The following ABCA9 variants were observed in gnomAD, a reference collection of about 807,000 sequenced individuals.
ABCA9 encodes the protein ATP-binding cassette sub-family A member 9.
Under a neutral mutation model 205.3 loss-of-function variants are expected in ABCA9, and 183 were observed. That is an observed-to-expected ratio of 0.89 (90% CI 0.79 to 1.01). The LOEUF (loss-of-function observed/expected upper bound fraction) is 1.01. ABCA9 is among the 50% of genes least tolerant of loss of function. The pLI, the probability that ABCA9 is intolerant of heterozygous loss-of-function variation, is 0.00. For synonymous variants in ABCA9, 651 were observed against 683.3 expected (o/e 0.95, Z 0.74); for missense variants, 1,805 against 1,912.4 (o/e 0.94, Z 1.05).
intron 3 of ABCA9, among the ~76,000 whole-genome samples, chr17:69,045,817 C>A (rs2071689460): frequency 6.6e-6 from 1 of 152,116 alleles, no homozygotes; most frequent in African/African-American, 2.4e-5. Context: ...ATGAGAATAG[C>A]ATGGGAGAAA....
At chr17:69,016,730 A>G (rs1700097993) in intron 21 of ABCA9, among the ~76,000 whole-genome samples, 1 of 152,108 alleles carries the variant, frequency 6.6e-6, no homozygotes, top group Admixed American at 6.6e-5. Flanking sequence ...AAAATGTGAC[A>G]CATTCATTTT....
At chr17:69,007,564 T>C (rs2070192070) in intron 25 of ABCA9, among the ~76,000 whole-genome samples, 195 bp downstream of exon 25, 1 of 152,186 alleles carries the variant, frequency 6.6e-6, no homozygotes, top group Non-Finnish European at 1.5e-5. Flanking sequence ...CCTGGAGATA[T>C]GTTTGAAGAG....
At chr17:68,998,921 A>G (rs1459299387) in intron 25 of ABCA9, among the ~76,000 whole-genome samples, 1 of 151,892 alleles carries the variant, frequency 6.6e-6, no homozygotes, top group Non-Finnish European at 1.5e-5. Flanking sequence ...TCTATAGAGA[A>G]TGCTTGAATG....
At position 68,975,938 on chromosome 17, in the gene ABCA9, G is replaced by A. The variant is rs1212874322; in HGVS notation, c.4852C>T (p.Leu1618Phe). 6.2e-7 allele frequency: 1 copy of A among 1,613,214 alleles called. No individual in the cohort carries two copies. Among genetic ancestry groups the A allele is most frequent in the African/African-American group, 1.3e-5 (1 of 75,050 alleles). Residue 1618 changes from leucine (L) to phenylalanine (F), a missense_variant, in exon 39 of 39, where the codon CTC becomes TTC. Coordinates refer to ENST00000340001, the MANE Select transcript of ABCA9 (RefSeq NM_080283.4). ...EDFDPSVKWK[L>F]LLQEEP ...CTTTAAGGCTCTTCCTGCAGGAGGAGTTTCCACTTCACCGAGGGATCAAAG... is the reference window on the plus strand; with the variant it reads ...CTTTAAGGCTCTTCCTGCAGGAGGAATTTCCACTTCACCGAGGGATCAAAG...
In ABCA9 at chr17:69,049,364, TA is replaced by T. The variant is rs1484741850; in HGVS notation, c.222del (p.Asn75IlefsTer16). On this transcript the variant is annotated frameshift_variant, in exon 3 of 39. Coordinates refer to ENST00000340001, the MANE Select transcript of ABCA9 (RefSeq NM_080283.4). LOFTEE classifies it high-confidence loss of function. ...DLGRVDSFND[T>X]NYVIAFAPES... ...TCAGGTGCAAATGCAATAACATAAT[TA>T]GTATCATTAAAACTATCTACACGTC... The T allele has an allele frequency of 6.2e-7, 1 of 1,613,180 alleles. No homozygotes were observed. The highest frequency in any genetic ancestry group is 8.5e-7 in the Non-Finnish European group (1 of 1,179,424).
In ABCA9 at chr17:69,018,661, A is replaced by G. The variant is rs113431521; in HGVS notation, c.2601-82T>C. The G allele has an allele frequency of 8.7e-4, 869 of 1,001,088 alleles. 8 individuals are homozygous for G. The African/African-American group carries it at 0.013, about 15-fold the overall frequency. The allele number at this position is 1,001,088 out of a possible 1,614,324, so 62.0% of individuals were successfully genotyped here. A position where few individuals can be genotyped will look rare whatever the true frequency, so the allele number is the denominator to read the frequency against. On this transcript the variant is annotated intron_variant, in intron 19 of 38. Transcript: ENST00000340001. ...TAAGTTTGAAGGTATAATGAATATA[A>G]TAACAGAAATAAATTATAATCAATA...
chr17:69,074,660 G>A, the ABCA9 span, among the ~76,000 whole-genome samples: 3 of 152,058 alleles, frequency 2.0e-5, no homozygotes, highest in African/African-American at 7.2e-5. Flanking sequence ...CACCACTGAC[G>A]GGCATCTCGG....
intron 26 of ABCA9, among the ~76,000 whole-genome samples, chr17:68,995,116 G>A (rs1335087086): frequency 6.6e-6 from 1 of 152,108 alleles, no homozygotes; most frequent in Non-Finnish European, 1.5e-5. Context: ...ATAGCCAATG[G>A]TCTCTTTTCA....
At chr17:69,022,744 C>T in intron 17 of ABCA9, among the ~76,000 whole-genome samples, 1 of 152,158 alleles carries the variant, frequency 6.6e-6, no homozygotes, top group Non-Finnish European at 1.5e-5. Context: ...CTCTCTCCCT[C>T]TCTCTTTCAA....
intron 31 of ABCA9, 68 bp downstream of exon 31, chr17:68,988,959 G>C: frequency 1.1e-6 from 1 of 940,960 alleles, no homozygotes; most frequent in Non-Finnish European, 1.7e-6. Flanking sequence ...CAACTACATA[G>C]TCTATTATTG....
chr17:69,072,354 G>A, the ABCA9 span, among the ~76,000 whole-genome samples: 13 of 152,068 alleles, frequency 8.5e-5, no homozygotes, highest in Non-Finnish European at 1.8e-4. Flanking sequence ...GAGAAAGGTC[G>A]GTTTACTCAC....
intron 21 of ABCA9, among the ~76,000 whole-genome samples, chr17:69,016,855 T>C (rs1465725898): frequency 6.6e-6 from 1 of 151,246 alleles, no homozygotes; most frequent in East Asian, 1.9e-4. Flanking sequence ...TAAAATAACG[T>C]GTGTGTGTGT....
At chr17:69,057,737 G>A (rs1190785239) in intron 1 of ABCA9, among the ~76,000 whole-genome samples, 1 of 152,110 alleles carries the variant, frequency 6.6e-6, no homozygotes, top group Non-Finnish European at 1.5e-5. Flanking sequence ...TCACCCATTT[G>A]TATTTGTGGG....
At chr17:69,036,356 A>T (rs2071338064) in intron 6 of ABCA9, among the ~76,000 whole-genome samples, 1 of 152,180 alleles carries the variant, frequency 6.6e-6, no homozygotes, top group Non-Finnish European at 1.5e-5. Context: ...ACATTTTCAC[A>T]TGCCACAAAA....
At chr17:69,061,763 T>C (rs922082857), upstream of ABCA9, among the ~76,000 whole-genome samples, 1 of 152,214 alleles carries the variant, frequency 6.6e-6, no homozygotes, top group African/African-American at 2.4e-5. Flanking sequence ...TTGAGCATCT[T>C]ATGTAAGTAG....
At chr17:69,048,621 C>T (rs1023875987) in intron 3 of ABCA9, among the ~76,000 whole-genome samples, 2 of 152,152 alleles carry the variant, frequency 1.3e-5, no homozygotes, top group Non-Finnish European at 2.9e-5. Context: ...CTTATTTGGT[C>T]TATCACACTT....
intron 25 of ABCA9, among the ~76,000 whole-genome samples, chr17:69,000,541 A>T (rs2069819977): frequency 6.8e-6 from 1 of 147,652 alleles, no homozygotes; most frequent in Non-Finnish European, 1.5e-5. Context: ...CTTGTAGTAT[A>T]GTTTGAAGTC....
At chr17:68,984,810 T>A in intron 34 of ABCA9, 75 bp downstream of exon 34, 3 of 1,581,398 alleles carry the variant, frequency 1.9e-6, no homozygotes, top group Non-Finnish European at 2.6e-6. Flanking sequence ...CCTTTCTAAG[T>A]AAACAATGAT....
intron 5 of ABCA9, 74 bp from the exon 6 acceptor site, chr17:69,043,789 A>T (rs2071625986): frequency 1.6e-6 from 2 of 1,231,000 alleles, no homozygotes; most frequent in Admixed American, 4.6e-5. Flanking sequence ...TCTAAATTAT[A>T]AGGAATCACG....
Sources: gnomAD v4.1 joint callset for allele counts (sites outside exome capture counted in the v4.1 genomes callset) on GRCh38, gnomAD v4.1.1 for gene constraint, MANE v1.5 for transcripts, NCBI Gene and HGNC (gene_info 2026-07-23, HGNC 2026-07-21) for gene names.